PHF20L1: variants seen among roughly 807,000 people sequenced by gnomAD.
The protein encoded by PHF20L1 is PHD finger protein 20-like protein 1.
PHF20L1 carries 44 observed loss-of-function variants against 125.5 expected under a neutral mutation model. The ratio of observed to expected loss-of-function variants is 0.35; its 90% confidence interval spans 0.28 to 0.45. The LOEUF (loss-of-function observed/expected upper bound fraction) is 0.45, where lower values mean the gene tolerates loss of function less well. Among genes scored for constraint, PHF20L1 ranks in the 20% least tolerant of loss-of-function variants. The pLI is 1.00. For missense variants in PHF20L1, 1,012 were observed against 1,217.2 expected, an observed-to-expected ratio of 0.83 and a Z score of 2.51; for synonymous variants, 380 against 403.1, an observed-to-expected ratio of 0.94 and a Z score of 0.69.
chr8:132,804,003 A>C lies in PHF20L1; in HGVS notation c.692A>C (p.Glu231Ala). Residue 231 changes from glutamate to alanine, a missense_variant, in exon 7 of 21, where the codon GAA (glutamate) becomes GCA (alanine). This residue lies in a region of PHF20L1 where 134 missense variants were observed against 145.9 expected (regional missense o/e 0.92). Coordinates refer to ENST00000395386, the MANE Select transcript of PHF20L1 (RefSeq NM_016018.5). ...CIATPDVEKK[E>A]DLPTSSETFG... The stretch of plus-strand genomic sequence containing the variant: ...GCCACACCAGACGTAGAGAAGAAGG[A>C]AGATCTGCCTACATCTAGTGAAACA... The C allele has an allele frequency of 6.2e-7, 1 of 1,610,884 alleles. No individual in the cohort carries two copies. The highest frequency in any genetic ancestry group is 8.5e-7 in the Non-Finnish European group (1 of 1,177,404).
rs904511130 is a variant in PHF20L1 at position 132,798,964 on chromosome 8, A to G, written c.429+104A>G. The G allele has an allele frequency of 1.1e-5, 11 of 1,040,700 alleles. No homozygotes were observed. In the South Asian group the frequency reaches 1.4e-4, roughly 13 times the overall value. 64.5% of individuals were successfully genotyped at this position (1,040,700 alleles called of 1,614,324 possible). The stretch of plus-strand genomic sequence containing the variant: ...TATTTTTTAAAAATGAACTAATTGT[A>G]GGGTTATGTGCTGATAGCCCCAAAT... On this transcript the variant is annotated intron_variant, in intron 5 of 20. Coordinates refer to ENST00000395386, the MANE Select transcript of PHF20L1 (RefSeq NM_016018.5).
chr8:132,819,115 G>A (rs1200443099), intron 12 of PHF20L1: 1 of 151,852 alleles, frequency 6.6e-6, no homozygotes, highest in Non-Finnish European at 1.5e-5. Flanking sequence ...CATATTTGTG[G>A]CAATGTGGCT....
At chr8:132,793,001 G>A (rs1831943080) in intron 2 of PHF20L1, among the ~76,000 whole-genome samples, 1 of 133,388 alleles carries the variant, frequency 7.5e-6, no homozygotes, top group Non-Finnish European at 1.6e-5. Context: ...ACATATCAGT[G>A]TTCCAAGAGA....
chr8:132,807,717 TG>T (rs541392265), intron 8 of PHF20L1: 35 of 455,736 alleles, frequency 7.7e-5, no homozygotes, highest in African/African-American at 6.6e-4. Flanking sequence ...TTATTCGTAT[TG>T]GCAGGAAGAG....
At chr8:132,842,935 T>G (rs371732028) in intron 19 of PHF20L1, 60 bp downstream of exon 19, 1 of 1,514,576 alleles carries the variant, frequency 6.6e-7, no homozygotes, top group Admixed American at 2.2e-5. Flanking sequence ...AGGAAAATTT[T>G]ATAAAATAAG....
intron 4 of PHF20L1, among the ~76,000 whole-genome samples, chr8:132,798,181 G>A (rs1832639325): frequency 6.6e-6 from 1 of 151,926 alleles, no homozygotes; most frequent in Non-Finnish European, 1.5e-5. Context: ...GAATGCCATT[G>A]GGTGTAGCAT....
chr8:132,791,894 G>A (rs1586880254), intron 2 of PHF20L1, among the ~76,000 whole-genome samples: 1 of 152,218 alleles, frequency 6.6e-6, no homozygotes, highest in Middle Eastern at 3.4e-3. Flanking sequence ...AGGCATCTCA[G>A]CCAGAATAAT....
At chr8:132,810,945 A>C (rs1834323066) in intron 8 of PHF20L1, 101 bp from the exon 9 acceptor site, 3 of 765,172 alleles carry the variant, frequency 3.9e-6, no homozygotes, top group Non-Finnish European at 4.8e-6. Flanking sequence ...CTACGTATTA[A>C]AAAGTATAGG....
chr8:132,796,338 A>G (rs1832388493), intron 4 of PHF20L1, among the ~76,000 whole-genome samples: 1 of 152,056 alleles, frequency 6.6e-6, no homozygotes, highest in Admixed American at 6.6e-5. Context: ...CTTGCTAAAG[A>G]ATTAGAATTT....
At chr8:132,809,766 G>T (rs564395834) in intron 8 of PHF20L1, 3 of 152,232 alleles carry the variant, frequency 2.0e-5, no homozygotes, top group African/African-American at 7.2e-5. Flanking sequence ...CCTTTTATGA[G>T]CAGGGTGGCC....
intron 4 of PHF20L1, among the ~76,000 whole-genome samples, chr8:132,795,954 A>G (rs1272496372): frequency 6.6e-6 from 1 of 151,784 alleles, no homozygotes; most frequent in Admixed American, 6.6e-5. Flanking sequence ...TGCTGTACTC[A>G]CTCCTTTTCA....
chr8:132,812,532 A>C, intron 9 of PHF20L1: 1 of 984,980 alleles, frequency 1.0e-6, no homozygotes. Context: ...AGTCCTTGCC[A>C]GTTTTGTAAC....
chr8:132,806,217 A>G (rs1358287442), intron 8 of PHF20L1, among the ~76,000 whole-genome samples: 1 of 151,970 alleles, frequency 6.6e-6, no homozygotes, highest in Non-Finnish European at 1.5e-5. Flanking sequence ...ACTCTTACAT[A>G]TGCCTTACTG....
intron 10 of PHF20L1, chr8:132,816,679 T>C (rs1835024282): frequency 2.1e-6 from 1 of 487,652 alleles, no homozygotes; most frequent in African/African-American, 2.0e-5. Flanking sequence ...TCTAGTAGAG[T>C]GTAGATTTTA....
At position 132,814,663 on chromosome 8, in the gene PHF20L1, G is replaced by GA. The variant is rs755467695; in HGVS notation, c.965dup (p.Asn322LysfsTer2). 9 of 1,601,170 alleles carry GA rather than the reference G, an allele frequency of 5.6e-6. No homozygotes were observed. The highest frequency in any genetic ancestry group is 2.2e-5 in the East Asian group (1 of 44,612). ...CGATTTCACCTAAACCTCAAAGTCA[G>GA]AAAAAAAATGAAGCTGACATTAGCA... On this transcript the variant is annotated frameshift_variant, in exon 10 of 21. Transcript: ENST00000395386. LOFTEE classifies it high-confidence loss of function.
intron 13 of PHF20L1, chr8:132,824,909 A>G (rs1439571788): frequency 3.6e-6 from 2 of 557,660 alleles, no homozygotes; most frequent in South Asian, 6.5e-5. Flanking sequence ...ATTAAATTAC[A>G]TATGGAAATG....
chr8:132,831,554 T>G (rs1188628283), intron 14 of PHF20L1, among the ~76,000 whole-genome samples: 1 of 152,116 alleles, frequency 6.6e-6, no homozygotes, highest in Non-Finnish European at 1.5e-5. Flanking sequence ...ATTATCACTG[T>G]ATAATTGGTG....
chr8:132,804,408 C>T (rs1335378320), intron 7 of PHF20L1, among the ~76,000 whole-genome samples: 1 of 151,518 alleles, frequency 6.6e-6, no homozygotes, highest in Admixed American at 6.6e-5. Flanking sequence ...TATTTTCTTC[C>T]TGCTTTTCTT....
rs915165429 is a variant in PHF20L1, at chr8:132,846,242, A to G, written c.*319A>G. 3 of 193,232 alleles carry G rather than the reference A, an allele frequency of 1.6e-5. No homozygotes were observed. Among genetic ancestry groups the G allele is most frequent in the Non-Finnish European group, 3.2e-5 (3 of 94,098 alleles). 12.0% of individuals were successfully genotyped at this position (193,232 alleles called of 1,614,324 possible). On this transcript the variant is annotated 3_prime_UTR_variant, in exon 21 of 21. Transcript: ENST00000395386. Reference sequence around the variant, plus strand: ...AGTAGTTGCTTACGTGAAGCTCAAGATACCTGTAGAAAGAAATATGGTATA... The same window carrying G: ...AGTAGTTGCTTACGTGAAGCTCAAGGTACCTGTAGAAAGAAATATGGTATA...
Sources: allele counts gnomAD v4.1 joint callset (sites outside exome capture counted in the v4.1 genomes callset), GRCh38; gene constraint gnomAD v4.1.1; regional missense constraint gnomAD v4.1.1; transcripts MANE v1.5; gene names NCBI Gene and HGNC (gene_info 2026-07-23, HGNC 2026-07-21).